The following ADGRD1 variants were observed in gnomAD, a reference collection of about 807,000 sequenced individuals.
ADGRD1 encodes the protein G-protein coupled receptor 133.
ADGRD1 carries 77 observed loss-of-function variants against 113.4 expected under a neutral mutation model. That is an observed-to-expected ratio of 0.68 (90% CI 0.57 to 0.82). The LOEUF is 0.82. Ranked by LOEUF, ADGRD1 falls within the 40% of genes least tolerant of loss-of-function variation. ADGRD1 has a pLI of 0.00. For synonymous variants in ADGRD1, 474 were observed against 475.0 expected, an observed-to-expected ratio of 1.00 and a Z score of 0.03; for missense variants, 1,036 against 1,139.1, an observed-to-expected ratio of 0.91 and a Z score of 1.30.
intron 13 of ADGRD1, among the ~76,000 whole-genome samples, chr12:131,032,209 T>C (rs1880852075): frequency 6.6e-6 from 1 of 152,122 alleles, no homozygotes; most frequent in Non-Finnish European, 1.5e-5. Flanking sequence ...ACACAGGCAT[T>C]CAGTAGGCGG....
intron 8 of ADGRD1, among the ~76,000 whole-genome samples, chr12:130,999,161 C>T (rs1354728254): frequency 6.6e-6 from 1 of 152,240 alleles, no homozygotes; most frequent in Admixed American, 6.5e-5. Flanking sequence ...GATCAAGAGT[C>T]GGCAAACTAT....
chr12:131,130,755 G>C (rs186394845), intron 20 of ADGRD1, among the ~76,000 whole-genome samples: 290 of 150,100 alleles, frequency 1.9e-3, no homozygotes, highest in Non-Finnish European at 2.7e-3. Context: ...CATCCCGTGC[G>C]GGGGGAGAGC....
intron 13 of ADGRD1, among the ~76,000 whole-genome samples, chr12:131,033,069 G>C (rs1355488809): frequency 6.6e-6 from 1 of 152,218 alleles, no homozygotes; most frequent in African/African-American, 2.4e-5. Context: ...AATGGCGCGC[G>C]ACGAGCCCCG....
Position 130,954,589 on chromosome 12 carries a change from T to C in ADGRD1, c.67-35T>C. ...GCTTGGTTTCTCCGGAGGCTTTCCC[T>C]GAGTGTGTCTCACACTGTGGTCTTT... On this transcript the variant is annotated intron_variant, in intron 1 of 24. Coordinates refer to ENST00000261654, the MANE Select transcript of ADGRD1 (RefSeq NM_198827.5). This position sits in a 1 kb window ranked among gnomAD's most constrained non-coding sequence, Gnocchi z 4.7. 1 of 1,613,812 alleles carries C rather than the reference T, an allele frequency of 6.2e-7. No individual in the cohort carries two copies. The highest frequency in any genetic ancestry group is 8.5e-7 in the Non-Finnish European group (1 of 1,179,712).
rs548440125 is a variant in ADGRD1 at position 130,991,374 on chromosome 12, C to G, written c.810+296C>G. 2.6e-5 allele frequency among the ~76,000 whole-genome samples: 4 copies of G among 152,224 alleles called. No homozygotes were observed. The East Asian group carries it at 5.8e-4, about 22-fold the overall frequency. On this transcript the variant is annotated intron_variant, in intron 7 of 24. Coordinates refer to ENST00000261654, the MANE Select transcript of ADGRD1 (RefSeq NM_198827.5). ...AGTGGGGAGTGAGGAATCTGCCCTG[C>G]TTGGCTTCTCTCTATGCCCTTTTCG...
At position 131,027,243 on chromosome 12, in the gene ADGRD1, C is replaced by G. The variant is rs558799753; in HGVS notation, c.1473+12903C>G. 6.6e-6 allele frequency: 1 copy of G among 152,156 alleles called. No individual in the cohort carries two copies. The highest frequency in any genetic ancestry group is 1.5e-5 in the Non-Finnish European group (1 of 68,036). The allele number at this position is 152,156 out of a possible 1,614,324, so 9.4% of individuals were successfully genotyped here. A position where few individuals can be genotyped will look rare whatever the true frequency, so the allele number is the denominator to read the frequency against. On this transcript the variant is annotated intron_variant, in intron 13 of 24. Transcript: ENST00000261654. This position sits in a 1 kb window ranked among gnomAD's most constrained non-coding sequence, Gnocchi z 5.1. ...ACATAGCCAAACATCGTTTGAAATC[C>G]CATCCCTCAGAGATGACCAGTGTCA...
At position 131,037,148 on chromosome 12, in the gene ADGRD1, C is replaced by CA. The variant is rs1566052759; in HGVS notation, c.1473+22808_1473+22809insA. ...CACTCACTGCACCGGGCCTCACTCA[C>CA]GGCACCGGGCCTCACTCACTGTCCC... On this transcript the variant is annotated intron_variant, in intron 13 of 24. Transcript: ENST00000261654. Among the ~76,000 whole-genome samples, 585 of 142,422 alleles carry CA rather than the reference C, an allele frequency of 4.1e-3. 15 individuals carry two copies. The highest frequency in any genetic ancestry group is 0.015 in the African/African-American group (556 of 37,968). 93.4% of individuals were successfully genotyped at this position (142,422 alleles called of 152,430 possible).
At chr12:131,118,773 G>A (rs188587792) in intron 19 of ADGRD1, among the ~76,000 whole-genome samples, 7 of 152,310 alleles carry the variant, frequency 4.6e-5, no homozygotes, top group African/African-American at 9.6e-5. Flanking sequence ...GGTCATCCAC[G>A]GAGGCTGAAT....
At chr12:131,045,891 G>T (rs952991778) in intron 13 of ADGRD1, among the ~76,000 whole-genome samples, 1 of 151,968 alleles carries the variant, frequency 6.6e-6, no homozygotes, top group Non-Finnish European at 1.5e-5. Flanking sequence ...TATCCTTCCT[G>T]GTCAGTGCTC....
At chr12:131,047,477 G>T (rs1566063376) in intron 13 of ADGRD1, among the ~76,000 whole-genome samples, 1 of 152,204 alleles carries the variant, frequency 6.6e-6, no homozygotes. Flanking sequence ...GGAGCCCCCT[G>T]TCGGGAGGAG....
chr12:130,978,914 C>T (rs143249031), intron 4 of ADGRD1: 1,850 of 152,276 alleles, frequency 0.012, 12 homozygotes, highest in South Asian at 0.045. Flanking sequence ...TCTGAGTGTG[C>T]AGGGAAGTGG....
At chr12:130,987,465 TG>T in intron 6 of ADGRD1, 116 bp downstream of exon 6, 1 of 1,107,196 alleles carries the variant, frequency 9.0e-7, no homozygotes, top group East Asian at 2.5e-5. Context: ...AGGCGTGAGA[TG>T]TGTCCTAATG....
chr12:130,959,154 C>T (rs962547686), intron 2 of ADGRD1, among the ~76,000 whole-genome samples: 1 of 152,204 alleles, frequency 6.6e-6, no homozygotes, highest in African/African-American at 2.4e-5. Context: ...CAAACGCCAG[C>T]CTACTTTCCA....
chr12:130,956,947 A>G (rs1404913793), intron 2 of ADGRD1: 1 of 152,412 alleles, frequency 6.6e-6, no homozygotes, highest in African/African-American at 2.4e-5. Flanking sequence ...CACACATCAC[A>G]TGTCCACACA....
chr12:131,138,191 G>T lies in ADGRD1; in HGVS notation c.2491G>T (p.Ala831Ser), dbSNP rs146661482. ...TKVWSLTSSS[A>S]RTSNAKPFHS... ...GGTCTGGTCGCTCACGAGCAGCTCT[G>T]CCCGCACCTCCAACGCGAAGCCCTT... The change falls in exon 24 of 25, where the codon GCC becomes TCC. Residue 831 changes from alanine to serine, a missense_variant. Ala to Ser is a moderately conservative substitution (Grantham distance 99). Transcript: ENST00000261654. The T allele has an allele frequency of 6.2e-7, 1 of 1,613,432 alleles. No homozygotes were observed. Among genetic ancestry groups the T allele is most frequent in the South Asian group, 1.1e-5 (1 of 91,084 alleles).
At position 131,139,511 on chromosome 12, in the gene ADGRD1, G is replaced by T. The variant is rs76486680; in HGVS notation, c.*248G>T. 1.2e-5 allele frequency: 6 copies of T among 480,996 alleles called. No individual in the cohort carries two copies. The highest frequency in any genetic ancestry group is 2.0e-5 in the African/African-American group (1 of 50,838). 29.8% of individuals were successfully genotyped at this position (480,996 alleles called of 1,614,324 possible). A position where few individuals can be genotyped will look rare whatever the true frequency, so the allele number is the denominator to read the frequency against. ...CACCCGTGGGCTGAGTGACTTCCTCGGGGGATTCCCAGGACACAGTGGCCT... is the reference window on the plus strand; with the variant it reads ...CACCCGTGGGCTGAGTGACTTCCTCTGGGGATTCCCAGGACACAGTGGCCT... On this transcript the variant is annotated 3_prime_UTR_variant, in exon 25 of 25. Coordinates refer to ENST00000261654, the MANE Select transcript of ADGRD1 (RefSeq NM_198827.5).
rs1191901929 is a variant in ADGRD1 at position 130,969,563 on chromosome 12, C to A, written c.188-1895C>A. 3 of 157,940 alleles carry A rather than the reference C, an allele frequency of 1.9e-5. No individual in the cohort carries two copies. In the South Asian group the frequency reaches 5.9e-4, roughly 31 times the overall value. The allele number at this position is 157,940 out of a possible 1,614,324, so 9.8% of individuals were successfully genotyped here. A position where few individuals can be genotyped will look rare whatever the true frequency, so the allele number is the denominator to read the frequency against. Reference sequence around the variant, plus strand: ...CCGATGATCTGTCACTGTCTCCCATCACCCCCAGAGGGGACCGTCTAGTTG... The same window carrying A: ...CCGATGATCTGTCACTGTCTCCCATAACCCCCAGAGGGGACCGTCTAGTTG... On this transcript the variant is annotated intron_variant, in intron 3 of 24. Transcript: ENST00000261654.
chr12:131,025,082 T>G (rs1471172978), intron 13 of ADGRD1, among the ~76,000 whole-genome samples: 3 of 152,214 alleles, frequency 2.0e-5, no homozygotes, highest in Non-Finnish European at 4.4e-5. Context: ...GTATGAAAGG[T>G]GCCAGTTTGA....
intron 13 of ADGRD1, among the ~76,000 whole-genome samples, chr12:131,054,334 C>T (rs780994042): frequency 2.6e-5 from 4 of 152,174 alleles, no homozygotes; most frequent in African/African-American, 7.2e-5. Flanking sequence ...CTTGTTCTTT[C>T]GCCATAGATT....
Sources: allele counts gnomAD v4.1 joint callset (sites outside exome capture counted in the v4.1 genomes callset), GRCh38; gene constraint gnomAD v4.1.1; non-coding constraint Gnocchi (gnomAD v3.1); transcripts MANE v1.5; gene names NCBI Gene and HGNC (gene_info 2026-07-23, HGNC 2026-07-21).